Variants in YBX2 observed in about 807,000 individuals in gnomAD.
YBX2 encodes the protein Y-box binding protein 2.
YBX2 carries 5 observed loss-of-function variants against 44.4 expected under a neutral mutation model. That is an observed-to-expected ratio of 0.11 (90% CI 0.06 to 0.24). The LOEUF is 0.24. YBX2 is among the 10% of genes least tolerant of loss of function. The probability of loss-of-function intolerance (pLI) is 1.00; values close to 1 mark genes in which losing one functional copy is unlikely to be tolerated. For missense variants in YBX2, 417 were observed against 526.9 expected, an observed-to-expected ratio of 0.79 and a Z score of 2.04; for synonymous variants, 188 against 216.1, an observed-to-expected ratio of 0.87 and a Z score of 1.14.
At chr17:7,293,337 T>G (rs2072515458) in intron 2 of YBX2, 138 bp downstream of exon 2, 1 of 1,494,000 alleles carries the variant, frequency 6.7e-7, no homozygotes, top group African/African-American at 1.4e-5. Context: ...GTGCTGCGGT[T>G]AAAGGCTTTC....
At position 7,290,066 on chromosome 17, in the gene YBX2, A is replaced by G; in HGVS notation, c.750T>C (p.Thr250=). The change falls in exon 6 of 9, where the codon ACT becomes ACC. Residue 250 remains threonine, a synonymous_variant. Coordinates refer to ENST00000007699, the MANE Select transcript of YBX2 (RefSeq NM_015982.4). ...CTGTCTCTTTGGGTTCTACCCTGTC[A>G]GTGCCCTGGGAACATGCAAAGGCCC... ...PPNQQQPIEG[T]DRVEPKETAP... is the part of the protein sequence containing the mutation. 6.2e-7 allele frequency: 1 copy of G among 1,614,218 alleles called. No individual in the cohort carries two copies. The highest frequency in any genetic ancestry group is 1.1e-5 in the South Asian group (1 of 91,092).
Position 7,288,806 on chromosome 17 carries a change from G to A in YBX2, c.1077C>T (p.Thr359=), listed in dbSNP as rs1213529184. Residue 359 remains threonine, a synonymous_variant, in exon 8 of 9, where the codon ACC becomes ACT. Transcript: ENST00000007699. ...TSAPVNSGDP[T]TTILE is the part of the protein sequence containing the mutation. ...GTTGGAATCACTCCAGGATGGTGGT[G>A]GTGGGGTCCCCACTGTTGACAGGGG... 6.2e-7 allele frequency: 1 copy of A among 1,614,048 alleles called. No homozygotes were observed. Among genetic ancestry groups the A allele is most frequent in the Non-Finnish European group, 8.5e-7 (1 of 1,179,944 alleles).
Position 7,294,052 on chromosome 17 carries a change from G to T in YBX2, c.271+178C>A. On this transcript the variant is annotated intron_variant, in intron 1 of 8. Transcript: ENST00000007699. This position sits in a 1 kb window ranked among gnomAD's most constrained non-coding sequence, Gnocchi z 4.6. ...CCGGCCCCGCCCTCTCTCCCAGGAA[G>T]GTACGGCAGGATTTCCCACCAGGGG... 1.4e-6 allele frequency: 1 copy of T among 705,042 alleles called. No homozygotes were observed. Among genetic ancestry groups the T allele is most frequent in the Non-Finnish European group, 2.0e-6 (1 of 504,094 alleles). 43.7% of individuals were successfully genotyped at this position (705,042 alleles called of 1,614,324 possible). A position where few individuals can be genotyped will look rare whatever the true frequency, so the allele number is the denominator to read the frequency against.
intron 1 of YBX2, chr17:7,293,741 C>T: frequency 1.9e-6 from 2 of 1,032,494 alleles, no homozygotes; most frequent in Admixed American, 2.8e-5. Context: ...CACACAGGGA[C>T]TCAGGCTTTC....
At chr17:7,289,885 C>T in intron 6 of YBX2, 83 bp downstream of exon 6, 1 of 1,594,778 alleles carries the variant, frequency 6.3e-7, no homozygotes, top group East Asian at 2.2e-5. Flanking sequence ...CTGCCTAGAG[C>T]TTCACCCTTC....
chr17:7,292,120 A>G, intron 2 of YBX2, 61 bp from the exon 3 acceptor site: 1 of 1,598,292 alleles, frequency 6.3e-7, no homozygotes. Context: ...CTCCTCACTG[A>G]GGTCCCCCTA....
intron 6 of YBX2, 33 bp from the exon 7 acceptor site, chr17:7,289,758 G>C (rs1567604260): frequency 6.2e-7 from 1 of 1,612,204 alleles, no homozygotes. Flanking sequence ...GAGGGGACCA[G>C]GGAATACTCC....
At chr17:7,288,921 G>C (rs1029122790) in intron 7 of YBX2, 83 bp from the exon 8 acceptor site, 2 of 1,560,280 alleles carry the variant, frequency 1.3e-6, no homozygotes. Flanking sequence ...GGAGTACAGT[G>C]GCGTGATCTT....
chr17:7,291,083 G>A lies in YBX2; in HGVS notation c.459+10C>T, dbSNP rs769599280. Reference sequence around the variant, plus strand: ...CTAGTCAACTCTATACCCCATAGCAGTCCCCAAACCTTCTCTCCTTCCACG... The same window carrying A: ...CTAGTCAACTCTATACCCCATAGCAATCCCCAAACCTTCTCTCCTTCCACG... On this transcript the variant is annotated intron_variant, in intron 4 of 8. Coordinates refer to ENST00000007699, the MANE Select transcript of YBX2 (RefSeq NM_015982.4). This position sits in a 1 kb window ranked among gnomAD's most constrained non-coding sequence, Gnocchi z 5.8. 2 of 1,612,030 alleles carry A rather than the reference G, an allele frequency of 1.2e-6. No homozygotes were observed. The highest frequency in any genetic ancestry group is 1.7e-6 in the Non-Finnish European group (2 of 1,179,814).
At position 7,291,520 on chromosome 17, in the gene YBX2, T is replaced by C; in HGVS notation, c.370-338A>G. Reference sequence around the variant, plus strand: ...CAGTCGCAAAGTGGGTAGAATGCACTGTGCTTCTTACCTCAGTCCCAGTGA... The same window carrying C: ...CAGTCGCAAAGTGGGTAGAATGCACCGTGCTTCTTACCTCAGTCCCAGTGA... On this transcript the variant is annotated intron_variant, in intron 3 of 8. Transcript: ENST00000007699. The surrounding 1 kb of genome is among the most constrained non-coding windows in gnomAD (Gnocchi z 5.8). 1 of 415,328 alleles carries C rather than the reference T, an allele frequency of 2.4e-6. No homozygotes were observed. The highest frequency in any genetic ancestry group is 2.1e-5 in the South Asian group (1 of 47,360). The allele number at this position is 415,328 out of a possible 1,614,324, so 25.7% of individuals were successfully genotyped here.
At chr17:7,290,169 T>C (rs968659094) in intron 5 of YBX2, 82 bp downstream of exon 5, 14 of 1,611,604 alleles carry the variant, frequency 8.7e-6, no homozygotes, top group Non-Finnish European at 1.2e-5. Flanking sequence ...CCTCCTTCTT[T>C]GGGGACCCAT....
rs894364402 is a variant in YBX2, at chr17:7,289,956, G to T, written c.848+12C>A. Reference sequence around the variant, plus strand: ...GGAAGGGGAAGACCAAGCCCCAGCAGGGGGGTCTTACCTTCGGTACCTGGG... The same window carrying T: ...GGAAGGGGAAGACCAAGCCCCAGCATGGGGGTCTTACCTTCGGTACCTGGG... On this transcript the variant is annotated intron_variant, in intron 6 of 8. Transcript: ENST00000007699. 6.2e-6 allele frequency: 10 copies of T among 1,613,260 alleles called. No individual in the cohort carries two copies. The highest frequency in any genetic ancestry group is 1.3e-5 in the African/African-American group (1 of 74,928).
Position 7,294,623 on chromosome 17 carries a change from G to A in YBX2, c.-123C>T. The A allele has an allele frequency of 1.7e-6, 2 of 1,151,174 alleles. No individual in the cohort carries two copies. Among genetic ancestry groups the A allele is most frequent in the Non-Finnish European group, 2.2e-6 (2 of 923,854 alleles). 71.3% of individuals were successfully genotyped at this position (1,151,174 alleles called of 1,614,324 possible). ...CGCCCACACGCCGGCAGCGGGCCCG[G>A]AGCCGAGGCCAATGGCAGCCCGCTG... is the stretch of plus-strand genomic sequence containing the variant. On this transcript the variant is annotated 5_prime_UTR_variant, in exon 1 of 9. Coordinates refer to ENST00000007699, the MANE Select transcript of YBX2 (RefSeq NM_015982.4). This position sits in a 1 kb window ranked among gnomAD's most constrained non-coding sequence, Gnocchi z 4.6.
rs974531919 is a variant in YBX2, at chr17:7,291,875, C to T, written c.369+151G>A. The T allele has an allele frequency of 5.4e-6, 5 of 930,442 alleles. No homozygotes were observed. Among genetic ancestry groups the T allele is most frequent in the South Asian group, 4.4e-5 (3 of 68,492 alleles). The allele number at this position is 930,442 out of a possible 1,614,324, so 57.6% of individuals were successfully genotyped here. A position where few individuals can be genotyped will look rare whatever the true frequency, so the allele number is the denominator to read the frequency against. On this transcript the variant is annotated intron_variant, in intron 3 of 8. Transcript: ENST00000007699. This position sits in a 1 kb window ranked among gnomAD's most constrained non-coding sequence, Gnocchi z 5.8. ...GACGTTTAGTAACCCAGCACAAGTGCGGCTAATGGTGGTTGACACAGGCAC... is the reference window on the plus strand; with the variant it reads ...GACGTTTAGTAACCCAGCACAAGTGTGGCTAATGGTGGTTGACACAGGCAC...
chr17:7,290,087 G>A lies in YBX2; in HGVS notation c.745-16C>T, dbSNP rs781087762. On this transcript the variant is annotated splice_polypyrimidine_tract_variant and intron_variant, in intron 5 of 8. Coordinates refer to ENST00000007699, the MANE Select transcript of YBX2 (RefSeq NM_015982.4). ...TGTCAGTGCCCTGGGAACATGCAAA[G>A]GCCCCGGTGAGCTGTGGGGACAGCA... 1 of 1,614,074 alleles carries A rather than the reference G, an allele frequency of 6.2e-7. No individual in the cohort carries two copies. The highest frequency in any genetic ancestry group is 8.5e-7 in the Non-Finnish European group (1 of 1,179,918).
In YBX2 at chr17:7,291,933, A is replaced by T; in HGVS notation, c.369+93T>A. 1.3e-6 allele frequency: 2 copies of T among 1,517,246 alleles called. No homozygotes were observed. Among genetic ancestry groups the T allele is most frequent in the Non-Finnish European group, 1.8e-6 (2 of 1,092,774 alleles). 94.0% of individuals were successfully genotyped at this position (1,517,246 alleles called of 1,614,324 possible). A position where few individuals can be genotyped will look rare whatever the true frequency, so the allele number is the denominator to read the frequency against. On this transcript the variant is annotated intron_variant, in intron 3 of 8. Transcript: ENST00000007699. The surrounding 1 kb of genome is among the most constrained non-coding windows in gnomAD (Gnocchi z 5.8). ...GGATGGGCCGTTGTGAAGAAGAGCC[A>T]GAGAAACATGGCGGAGCGCACTGCT...
chr17:7,289,549 C>CGGGGGCCAGAGGCCTGCT lies in YBX2; in HGVS notation c.1024_1025insAGCAGGCCTCTGGCCCCC (p.Pro341_Arg342insGlnGlnAlaSerGlyPro), dbSNP rs2072483195. The CGGGGGCCAGAGGCCTGCT allele has an allele frequency of 1.2e-6, 2 of 1,607,712 alleles. No individual in the cohort carries two copies. Among genetic ancestry groups the CGGGGGCCAGAGGCCTGCT allele is most frequent in the Admixed American group, 3.4e-5 (2 of 59,130 alleles). The stretch of plus-strand genomic sequence containing the variant: ...CCTCACCTCAGGGGCTGCGGGCTGC[C>CGGGGGCCAGAGGCCTGCT]GGGGGCCAGGGGCCTGCTGGGGGCC... On this transcript the variant is annotated inframe_insertion, in exon 7 of 9. Transcript: ENST00000007699.
Position 7,294,318 on chromosome 17 carries a change from C to T in YBX2, c.183G>A (p.Pro61=), listed in dbSNP as rs2072523887. The T allele has an allele frequency of 1.0e-5, 13 of 1,281,236 alleles. No homozygotes were observed. The East Asian group carries it at 4.1e-4, about 40-fold the overall frequency. 79.4% of individuals were successfully genotyped at this position (1,281,236 alleles called of 1,614,324 possible). A position where few individuals can be genotyped will look rare whatever the true frequency, so the allele number is the denominator to read the frequency against. ...CCGGATTGCCAGGGGTGCGGGAGCCCGGCGCCGAGGGGGTCCCAGCAGCGG... is the reference window on the plus strand; with the variant it reads ...CCGGATTGCCAGGGGTGCGGGAGCCTGGCGCCGAGGGGGTCCCAGCAGCGG... ...SGPAAGTPSA[P]GSRTPGNPAT... is the part of the protein sequence containing the mutation. Residue 61 remains proline, a synonymous_variant, in exon 1 of 9, where the codon CCG becomes CCA. Coordinates refer to ENST00000007699, the MANE Select transcript of YBX2 (RefSeq NM_015982.4). This position sits in a 1 kb window ranked among gnomAD's most constrained non-coding sequence, Gnocchi z 4.6.
chr17:7,293,629 C>G lies in YBX2; in HGVS notation c.272-91G>C, dbSNP rs1241541023. 6.3e-6 allele frequency: 10 copies of G among 1,595,546 alleles called. No individual in the cohort carries two copies. The Admixed American group carries it at 1.4e-4, about 23-fold the overall frequency. On this transcript the variant is annotated intron_variant, in intron 1 of 8. Transcript: ENST00000007699. Reference sequence around the variant, plus strand: ...GAGACACTCCAAAACAAAAAAAAATCTAGCCTACTGCCTTATTACCTATTC... The same window carrying G: ...GAGACACTCCAAAACAAAAAAAAATGTAGCCTACTGCCTTATTACCTATTC...
Sources: gnomAD v4.1 joint callset for allele counts on GRCh38, gnomAD v4.1.1 for gene constraint, Gnocchi (gnomAD v3.1) non-coding constraint, MANE v1.5 for transcripts, NCBI Gene and HGNC (gene_info 2026-07-23, HGNC 2026-07-21) for gene names.